The following ANKRD17 variants were observed in gnomAD, a reference collection of about 807,000 sequenced individuals.
ANKRD17 encodes ankyrin repeat domain-containing protein 17.
In ANKRD17, 19 loss-of-function variants were observed where a neutral mutation model predicts 229.7. That is an observed-to-expected ratio of 0.08 (90% CI 0.06 to 0.12). The LOEUF (loss-of-function observed/expected upper bound fraction) is 0.12. Ranked by LOEUF, ANKRD17 falls within the 10% of genes least tolerant of loss-of-function variation. The pLI, the probability that ANKRD17 is intolerant of heterozygous loss-of-function variation, is 1.00. For missense variants in ANKRD17, 2,176 were observed against 3,176.8 expected (o/e 0.68, Z 7.57); for synonymous variants, 1,112 against 1,146.1 (o/e 0.97, Z 0.60).
intron 1 of ANKRD17, chr4:73,223,179 G>C (rs1742085600): frequency 1.5e-6 from 1 of 658,172 alleles, no homozygotes; most frequent in Non-Finnish European, 2.5e-6. Flanking sequence ...TCTACCAAAA[G>C]AGCAGGGGGT....
At chr4:73,143,594 G>C (rs771863543) in intron 11 of ANKRD17, among the ~76,000 whole-genome samples, 4 of 152,158 alleles carry the variant, frequency 2.6e-5, no homozygotes, top group African/African-American at 7.2e-5. Context: ...TATCACCAGT[G>C]CATGGGAAAA....
At chr4:73,183,744 G>T (rs553266464) in intron 1 of ANKRD17, among the ~76,000 whole-genome samples, 1 of 152,104 alleles carries the variant, frequency 6.6e-6, no homozygotes, top group Non-Finnish European at 1.5e-5. Context: ...GATTACAGGC[G>T]TGAGCCACTT....
At chr4:73,100,995 T>A (rs1723911452) in intron 25 of ANKRD17, 1 of 980,366 alleles carries the variant, frequency 1.0e-6, no homozygotes, top group East Asian at 1.1e-4. Flanking sequence ...AATACGAATT[T>A]AAAAAATACA....
In ANKRD17 at chr4:73,179,460, GTA is replaced by G. The variant is rs569691576; in HGVS notation, c.394-1929_394-1928del. Among the ~76,000 whole-genome samples the G allele has an allele frequency of 1.7e-3, 146 of 84,560 alleles. 1 individual carries two copies. Among genetic ancestry groups the G allele is most frequent in the African/African-American group, 5.2e-3 (115 of 21,936 alleles). The allele number at this position is 84,560 out of a possible 152,430, so 55.5% of individuals were successfully genotyped here. On this transcript the variant is annotated intron_variant, in intron 1 of 33. Transcript: ENST00000358602. ...TGTGTATATATATCTGTGTATATAT[GTA>G]TATATGTGTGTGTGTGTGTGTGTGT...
At chr4:73,179,518 A>ATATTTTTTTT (rs1192164276) in intron 1 of ANKRD17, among the ~76,000 whole-genome samples, 5 of 40,784 alleles carry the variant, frequency 1.2e-4, no homozygotes, top group Non-Finnish European at 1.8e-4. Flanking sequence ...ATATATATAT[A>ATATTTTTTTT]TTTTTTTTTT....
intron 1 of ANKRD17, among the ~76,000 whole-genome samples, chr4:73,248,014 G>A (rs980246834): frequency 7.2e-5 from 11 of 151,946 alleles, no homozygotes; most frequent in East Asian, 1.9e-4. Context: ...TATATGTAAC[G>A]CTATATTTAA....
intron 19 of ANKRD17, among the ~76,000 whole-genome samples, chr4:73,121,350 C>A (rs1726693888): frequency 3.3e-5 from 5 of 152,148 alleles, no homozygotes; most frequent in Admixed American, 3.3e-4. Flanking sequence ...GATAAACTTT[C>A]AATCTTAAAG....
At chr4:73,231,626 T>C (rs566547677) in intron 1 of ANKRD17, among the ~76,000 whole-genome samples, 2 of 152,356 alleles carry the variant, frequency 1.3e-5, no homozygotes, top group Admixed American at 6.5e-5. Context: ...TACACTCCTA[T>C]AATCCTTAGA....
At position 73,151,520 on chromosome 4, in the gene ANKRD17, G is replaced by C; in HGVS notation, c.1239C>G (p.His413Gln). Residue 413 changes from histidine to glutamine, a missense_variant, in exon 7 of 34, where the codon CAC becomes CAG. This residue lies in a region of ANKRD17 where 184 missense variants were observed against 357.8 expected (regional missense o/e 0.51). Transcript: ENST00000358602. ...CCAAAAGAAATCGCACCATCTCTAA[G>C]TGTCCTAAACCAAAAGTGTACAAGA... ...SALTLACYKG[H>Q]LEMVRFLLEA... 2.5e-6 allele frequency: 4 copies of C among 1,595,994 alleles called. No individual in the cohort carries two copies. Among genetic ancestry groups the C allele is most frequent in the Non-Finnish European group, 3.4e-6 (4 of 1,171,180 alleles).
Position 73,139,819 on chromosome 4 carries a change from C to T in ANKRD17, c.2797G>A (p.Asp933Asn), listed in dbSNP as rs1408509406. ...GGTTCATCTTTAAGTAAAACAGGATCCACTTGCTGTAACCGTGCATAGTCT... is the reference window on the plus strand; with the variant it reads ...GGTTCATCTTTAAGTAAAACAGGATTCACTTGCTGTAACCGTGCATAGTCT... ...EGDYARLQQV[D>N]PVLLKDEPQQ... The change falls in exon 15 of 34, where the codon GAT becomes AAT. Residue 933 changes from aspartate (D) to asparagine (N), a missense_variant. Asp to Asn is a conservative substitution (Grantham distance 23). Coordinates refer to ENST00000358602, the MANE Select transcript of ANKRD17 (RefSeq NM_032217.5). 1 of 1,614,226 alleles carries T rather than the reference C, an allele frequency of 6.2e-7. No individual in the cohort carries two copies.
chr4:73,221,063 T>C (rs1441613763), intron 1 of ANKRD17, among the ~76,000 whole-genome samples: 1 of 152,188 alleles, frequency 6.6e-6, no homozygotes, highest in East Asian at 1.9e-4. Flanking sequence ...TGTGTCATTA[T>C]GAGTACTTAT....
intron 16 of ANKRD17, among the ~76,000 whole-genome samples, chr4:73,132,975 G>A (rs989311210): frequency 7.9e-5 from 12 of 152,138 alleles, no homozygotes; most frequent in African/African-American, 2.7e-4. Flanking sequence ...AGCTGTGTGC[G>A]GTGGCACACG....
At chr4:73,114,469 G>C (rs114170950) in intron 23 of ANKRD17, among the ~76,000 whole-genome samples, 2 of 151,958 alleles carry the variant, frequency 1.3e-5, no homozygotes, top group Non-Finnish European at 2.9e-5. Context: ...TAATTTTAGA[G>C]ATAGGGGCTT....
rs116595603 is a variant in ANKRD17 at position 73,128,992 on chromosome 4, A to G, written c.3235-3680T>C. ...TACAGCTGACTATTTTGTAGAAGGC[A>G]AAGTACCAATTAAAGGAAGAATCCT... On this transcript the variant is annotated intron_variant, in intron 16 of 33. Coordinates refer to ENST00000358602, the MANE Select transcript of ANKRD17 (RefSeq NM_032217.5). Among the ~76,000 whole-genome samples the G allele has an allele frequency of 6.1e-3, 936 of 152,354 alleles. 11 individuals carry two copies. Among genetic ancestry groups the G allele is most frequent in the African/African-American group, 0.019 (778 of 41,588 alleles).
chr4:73,190,759 G>T (rs1736962686), intron 1 of ANKRD17, among the ~76,000 whole-genome samples: 1 of 150,544 alleles, frequency 6.6e-6, no homozygotes, highest in Non-Finnish European at 1.5e-5. Context: ...TAACCCATGA[G>T]AAAATAAAAT....
intron 24 of ANKRD17, among the ~76,000 whole-genome samples, chr4:73,105,381 T>C (rs1328547818): frequency 6.6e-6 from 1 of 151,038 alleles, no homozygotes; most frequent in Non-Finnish European, 1.5e-5. Context: ...ATATTATACA[T>C]ATATAAAGAG....
chr4:73,121,445 A>AT (rs984923670), intron 19 of ANKRD17, 172 bp downstream of exon 19: 4 of 732,204 alleles, frequency 5.5e-6, no homozygotes, highest in African/African-American at 3.6e-5. Flanking sequence ...TTCAAACTCT[A>AT]TATCAAGTTT....
At chr4:73,114,099 C>A (rs1291411371) in intron 23 of ANKRD17, among the ~76,000 whole-genome samples, 191 bp from the exon 24 acceptor site, 1 of 152,106 alleles carries the variant, frequency 6.6e-6, no homozygotes, top group Non-Finnish European at 1.5e-5. Flanking sequence ...AATGAAGAAT[C>A]AAAGAGTAGC....
At chr4:73,159,452 C>A (rs972956435) in intron 3 of ANKRD17, among the ~76,000 whole-genome samples, 1 of 152,084 alleles carries the variant, frequency 6.6e-6, no homozygotes, top group African/African-American at 2.4e-5. Flanking sequence ...AACTTGTGGG[C>A]GAAGGGCATA....
Sources: allele counts gnomAD v4.1 joint callset (sites outside exome capture counted in the v4.1 genomes callset), GRCh38; gene constraint gnomAD v4.1.1; regional missense constraint gnomAD v4.1.1; transcripts MANE v1.5; gene names NCBI Gene and HGNC (gene_info 2026-07-23, HGNC 2026-07-21).